The following CD36 variants were observed in gnomAD, a reference collection of about 807,000 sequenced individuals.
CD36 encodes the protein CD36 molecule (CD36 blood group).
A neutral mutation model predicts 55.2 loss-of-function variants in CD36; 119 were observed. The observed-to-expected ratio is 2.15, with a 90% CI of 1.86 to 2.51. CD36 has a LOEUF of 2.51. CD36 is among the 30% of genes most tolerant of loss of function. The pLI is 0.00. For missense variants in CD36, 819 were observed against 555.5 expected, an observed-to-expected ratio of 1.47 and a Z score of -4.77; for synonymous variants, 186 against 193.6, an observed-to-expected ratio of 0.96 and a Z score of 0.33.
At chr7:80,667,751 T>G (rs1250306343) in intron 8 of CD36, among the ~76,000 whole-genome samples, 1 of 109,302 alleles carries the variant, frequency 9.1e-6, no homozygotes, top group African/African-American at 3.0e-5. Context: ...TCTTTTGTTT[T>G]TTTTTTTTTT....
At chr7:80,611,471 G>A (rs1792875184) in intron 1 of CD36, among the ~76,000 whole-genome samples, 1 of 152,148 alleles carries the variant, frequency 6.6e-6, no homozygotes, top group Admixed American at 6.5e-5. Context: ...AGAGCCTCCT[G>A]ATAGCACTGG....
rs1211846254 is a variant in CD36 at position 80,678,230 on chromosome 7, A to G, written c.*1847A>G. ...AAGGGTAAATGTTTGGACACTTGCA[A>G]TTGCTCATGGATGAATTTATATGTT... On this transcript the variant is annotated 3_prime_UTR_variant, in exon 15 of 15. Transcript: ENST00000447544. 1 of 152,076 alleles carries G rather than the reference A, an allele frequency of 6.6e-6. No homozygotes were observed. Among genetic ancestry groups the G allele is most frequent in the Non-Finnish European group, 1.5e-5 (1 of 68,020 alleles). The allele number at this position is 152,076 out of a possible 1,614,324, so 9.4% of individuals were successfully genotyped here. A position where few individuals can be genotyped will look rare whatever the true frequency, so the allele number is the denominator to read the frequency against.
chr7:80,636,356 G>C (rs896724867), upstream of CD36, among the ~76,000 whole-genome samples: 11 of 151,866 alleles, frequency 7.2e-5, no homozygotes, highest in African/African-American at 2.7e-4. Context: ...TAATTAACTT[G>C]ATTATGGCAA....
Position 80,656,700 on chromosome 7 carries a change from G to A in CD36, c.281G>A (p.Arg94Lys), listed in dbSNP as rs1796118367. The A allele has an allele frequency of 1.9e-6, 3 of 1,612,744 alleles. No individual in the cohort carries two copies. The highest frequency in any genetic ancestry group is 1.7e-5 in the Admixed American group (1 of 59,960). ...AAGCAAAGAGGTCCTTATACGTACA[G>A]GTGAGTGAGTCCCCACAAATATGAG... ...QVKQRGPYTY[R>K]VRFLAKENVT... Residue 94 changes from arginine to lysine, a missense_variant and splice_region_variant, in exon 4 of 15, where the codon AGA (arginine) becomes AAA (lysine). Arg to Lys is a conservative substitution (Grantham distance 26). Coordinates refer to ENST00000447544, the MANE Select transcript of CD36 (RefSeq NM_001001548.3).
At chr7:80,661,757 A>T (rs1796549162) in intron 5 of CD36, among the ~76,000 whole-genome samples, 1 of 152,338 alleles carries the variant, frequency 6.6e-6, no homozygotes, top group East Asian at 1.9e-4. Flanking sequence ...AAGAGTATAT[A>T]AACTTGATGG....
At chr7:80,620,835 A>G (rs748061173) in intron 1 of CD36, among the ~76,000 whole-genome samples, 16 of 152,224 alleles carry the variant, frequency 1.1e-4, no homozygotes, top group Non-Finnish European at 1.8e-4. Context: ...AAAAACCAAT[A>G]TATATCATAA....
intron 5 of CD36, 25 bp downstream of exon 5, chr7:80,661,235 T>C (rs1373070462): frequency 1.9e-6 from 3 of 1,606,416 alleles, no homozygotes; most frequent in Admixed American, 1.7e-5. Context: ...AACAAAGTTA[T>C]CTATTTTAAA....
At chr7:80,666,549 C>G in intron 8 of CD36, 60 bp downstream of exon 8, 1 of 1,234,568 alleles carries the variant, frequency 8.1e-7, no homozygotes, top group Non-Finnish European at 1.2e-6. Flanking sequence ...CACAAATCCA[C>G]CGTTGTACTG....
At chr7:80,662,346 A>G (rs942268915) in intron 5 of CD36, 1 of 186,622 alleles carries the variant, frequency 5.4e-6, no homozygotes, top group Non-Finnish European at 1.2e-5. Flanking sequence ...CCTCGTCGAA[A>G]TCGTAGTCCT....
chr7:80,650,597 T>C (rs1401171400), intron 3 of CD36, among the ~76,000 whole-genome samples: 4 of 152,142 alleles, frequency 2.6e-5, no homozygotes, highest in African/African-American at 7.2e-5. Context: ...AGCTGACTAA[T>C]AGCAAATTAA....
chr7:80,616,469 A>T (rs1793164887), intron 1 of CD36, among the ~76,000 whole-genome samples: 1 of 151,614 alleles, frequency 6.6e-6, no homozygotes, highest in South Asian at 2.1e-4. Context: ...ACACACACAC[A>T]CACACGCAAT....
intron 1 of CD36, among the ~76,000 whole-genome samples, chr7:80,628,592 A>G (rs1793884199): frequency 6.6e-6 from 1 of 152,008 alleles, no homozygotes; most frequent in Non-Finnish European, 1.5e-5. Flanking sequence ...AGTTTGATTA[A>G]GTGTTTTAGT....
chr7:80,660,085 G>T (rs999021319), intron 4 of CD36, among the ~76,000 whole-genome samples: 6 of 152,026 alleles, frequency 3.9e-5, no homozygotes, highest in Non-Finnish European at 8.8e-5. Flanking sequence ...CAGTCCAATT[G>T]CTTAAGTCTT....
chr7:80,628,935 C>A lies in CD36; in HGVS notation c.-183-17153C>A, dbSNP rs369450966. Among the ~76,000 whole-genome samples, 39 of 152,144 alleles carry A rather than the reference C, an allele frequency of 2.6e-4. 1 individual carries two copies. The South Asian group carries it at 8.1e-3, about 32-fold the overall frequency. On this transcript the variant is annotated intron_variant, in intron 1 of 13. Transcript: ENST00000309881. ...ACTCTTTTGAGTTTCTGACTAGCTTCTCCAAAGAAGGCAATCAGATAAGCT... is the reference window on the plus strand; with the variant it reads ...ACTCTTTTGAGTTTCTGACTAGCTTATCCAAAGAAGGCAATCAGATAAGCT...
intron 6 of CD36, 142 bp downstream of exon 6, chr7:80,663,311 A>T (rs1337149962): frequency 2.8e-6 from 2 of 713,934 alleles, no homozygotes; most frequent in African/African-American, 3.5e-5. Flanking sequence ...TAAAAAGTCC[A>T]CTTCTCATTA....
chr7:80,641,885 T>G (rs1035419881), intron 1 of CD36, among the ~76,000 whole-genome samples: 1 of 151,834 alleles, frequency 6.6e-6, no homozygotes, highest in African/African-American at 2.4e-5. Flanking sequence ...GTTCCCAATA[T>G]AGTGGGAGGG....
In CD36 at chr7:80,674,375, T is replaced by TGTAACAATA. The variant is rs567965314; in HGVS notation, c.*230_*238dup. On this transcript the variant is annotated intron_variant, in intron 14 of 14. Transcript: ENST00000447544. Reference sequence around the variant, plus strand: ...AGATAAAAGATGTACTTGTGACCATTGTAACAATAGCACAAATAAAGCACT... The same window carrying TGTAACAATA: ...AGATAAAAGATGTACTTGTGACCATTGTAACAATAGTAACAATAGCACAAATAAAGCACT... 199 of 474,636 alleles carry TGTAACAATA rather than the reference T, an allele frequency of 4.2e-4. No individual in the cohort carries two copies. In the East Asian group the frequency reaches 7.5e-3, roughly 18 times the overall value. 29.4% of individuals were successfully genotyped at this position (474,636 alleles called of 1,614,324 possible).
At chr7:80,673,288 A>ATTTTAAAGTTTGTTATATATAAATATTAG in intron 12 of CD36, 67 bp from the exon 13 acceptor site, 2 of 740,602 alleles carry the variant, frequency 2.7e-6, no homozygotes, top group Non-Finnish European at 4.5e-6. Flanking sequence ...ATGAACATTT[A>ATTTTAAAGTTTGTTATATATAAATATTAG]TTTTAAAGTT....
chr7:80,636,608 C>T (rs1794423579), upstream of CD36, among the ~76,000 whole-genome samples: 1 of 150,698 alleles, frequency 6.6e-6, no homozygotes, highest in African/African-American at 2.4e-5. Context: ...TCCTGTCATT[C>T]TAATAAATTA....
Sources: allele counts gnomAD v4.1 joint callset (sites outside exome capture counted in the v4.1 genomes callset), GRCh38; gene constraint gnomAD v4.1.1; transcripts MANE v1.5; gene names NCBI Gene and HGNC (gene_info 2026-07-23, HGNC 2026-07-21).